The following UBE4B variants were observed in gnomAD, a reference collection of about 807,000 sequenced individuals.
UBE4B encodes ubiquitin conjugation factor E4 B.
Under a neutral mutation model 148.1 loss-of-function variants are expected in UBE4B, and 27 were observed. That is an observed-to-expected ratio of 0.18 (90% CI 0.13 to 0.25). The LOEUF (loss-of-function observed/expected upper bound fraction) is 0.25. UBE4B is among the 10% of genes least tolerant of loss of function. The pLI is 1.00. For missense variants in UBE4B, 1,170 were observed against 1,662.4 expected (o/e 0.70, Z 5.15); for synonymous variants, 596 against 619.3 (o/e 0.96, Z 0.56).
chr1:10,180,196 G>C lies in UBE4B; in HGVS notation c.*240G>C. The C allele has an allele frequency of 1.8e-6, 1 of 557,680 alleles. No homozygotes were observed. The highest frequency in any genetic ancestry group is 2.3e-5 in the South Asian group (1 of 42,802). 34.5% of individuals were successfully genotyped at this position (557,680 alleles called of 1,614,324 possible). ...CAAAAGCTTAAGGGACAGGTTTTATGGTTGCTTGTGTAATAAAGCATGTCC... is the reference window on the plus strand; with the variant it reads ...CAAAAGCTTAAGGGACAGGTTTTATCGTTGCTTGTGTAATAAAGCATGTCC... On this transcript the variant is annotated 3_prime_UTR_variant, in exon 28 of 28. Transcript: ENST00000343090.
At chr1:10,167,259 GA>G (rs761340424) in intron 23 of UBE4B, among the ~76,000 whole-genome samples, 1 of 151,596 alleles carries the variant, frequency 6.6e-6, no homozygotes, top group Non-Finnish European at 1.5e-5. Context: ...GACCAACATG[GA>G]GAAACCCCGT....
chr1:10,111,711 C>T (rs1272979728), intron 7 of UBE4B, among the ~76,000 whole-genome samples: 1 of 152,158 alleles, frequency 6.6e-6, no homozygotes, highest in East Asian at 1.9e-4. Flanking sequence ...AATCCCAGCA[C>T]TTTGAGAGGC....
chr1:10,038,141 G>A (rs1181723191), intron 1 of UBE4B, among the ~76,000 whole-genome samples: 2 of 151,976 alleles, frequency 1.3e-5, no homozygotes, highest in African/African-American at 2.4e-5. Context: ...TTAGCTGGGC[G>A]TGGTGGCACA....
chr1:10,178,565 T>A, intron 25 of UBE4B, 79 bp from the exon 26 acceptor site: 1 of 1,425,056 alleles, frequency 7.0e-7, no homozygotes, highest in South Asian at 1.5e-5. Flanking sequence ...AAATGGATAA[T>A]ACTTTGGATA....
chr1:10,111,022 CTCTCTGTCTT>C (rs1467032471), intron 7 of UBE4B, among the ~76,000 whole-genome samples: 4 of 148,934 alleles, frequency 2.7e-5, no homozygotes, highest in South Asian at 2.1e-4. Flanking sequence ...CTCTCTGTCT[CTCTCTGTCTT>C]TCTCTGTCTC....
chr1:10,117,719 T>C (rs1426763269), intron 8 of UBE4B, 119 bp downstream of exon 8: 1 of 1,271,768 alleles, frequency 7.9e-7, no homozygotes, highest in Admixed American at 3.2e-5. Context: ...GCATTTGCCA[T>C]GTGCCAGGCA....
chr1:10,126,755 C>A (rs763856003), intron 10 of UBE4B, 39 bp from the exon 11 acceptor site: 6 of 1,545,996 alleles, frequency 3.9e-6, no homozygotes, highest in Non-Finnish European at 4.5e-6. Context: ...CTTAGATTCT[C>A]TTAAACTTAT....
At chr1:10,152,739 A>T (rs1357791349) in intron 21 of UBE4B, among the ~76,000 whole-genome samples, 1 of 152,036 alleles carries the variant, frequency 6.6e-6, no homozygotes, top group African/African-American at 2.4e-5. Context: ...CAGAGGTTGC[A>T]TTGAACTGAG....
At chr1:10,171,652 C>A (rs1409725529) in intron 25 of UBE4B, among the ~76,000 whole-genome samples, 2 of 152,144 alleles carry the variant, frequency 1.3e-5, no homozygotes, top group Non-Finnish European at 1.5e-5. Context: ...GAGGTCGAGG[C>A]GGGCAGATCA....
rs77316933 is a variant in UBE4B, at chr1:10,074,986, C to T, written c.211+2772C>T. Among the ~76,000 whole-genome samples, 706 of 152,290 alleles carry T rather than the reference C, an allele frequency of 4.6e-3. 3 individuals are homozygous for T. Among genetic ancestry groups the T allele is most frequent in the Middle Eastern group, 0.01 (3 of 294 alleles). Reference sequence around the variant, plus strand: ...TAACAGGCATGTCACAGCTAGCATGCCCCAAATCAAGCTTTGCTGTTGCCT... The same window carrying T: ...TAACAGGCATGTCACAGCTAGCATGTCCCAAATCAAGCTTTGCTGTTGCCT... On this transcript the variant is annotated intron_variant, in intron 2 of 27. Transcript: ENST00000343090.
At chr1:10,039,287 G>A (rs1024505873) in intron 1 of UBE4B, among the ~76,000 whole-genome samples, 11 of 152,156 alleles carry the variant, frequency 7.2e-5, no homozygotes, top group African/African-American at 2.2e-4. Context: ...CTGAGTAGCA[G>A]TTGCCCTGGG....
chr1:10,152,804 GA>G (rs780983694), intron 21 of UBE4B, among the ~76,000 whole-genome samples: 87 of 141,082 alleles, frequency 6.2e-4, no homozygotes, highest in African/African-American at 1.1e-3. Context: ...TCTCAAAAAA[GA>G]AAAAAAAAAA....
At chr1:10,074,154 G>A (rs573763041) in intron 2 of UBE4B, among the ~76,000 whole-genome samples, 3 of 151,960 alleles carry the variant, frequency 2.0e-5, no homozygotes, top group African/African-American at 7.2e-5. Flanking sequence ...CCTAGGCAGG[G>A]AACCTCCATC....
rs182692617 is a variant in UBE4B at position 10,060,488 on chromosome 1, G to A, written c.25-11540G>A. On this transcript the variant is annotated intron_variant, in intron 1 of 27. Transcript: ENST00000343090. ...GTGATCTGACATTGACTGAAATGTCGTTATGCAGCCCATGACTGTATTTCC... is the reference window on the plus strand; with the variant it reads ...GTGATCTGACATTGACTGAAATGTCATTATGCAGCCCATGACTGTATTTCC... Among the ~76,000 whole-genome samples, 8 of 152,270 alleles carry A rather than the reference G, an allele frequency of 5.3e-5. No individual in the cohort carries two copies. The South Asian group carries it at 6.2e-4, about 12-fold the overall frequency.
In UBE4B at chr1:10,129,385, T is replaced by C; in HGVS notation, c.1639-7T>C. The C allele has an allele frequency of 6.2e-7, 1 of 1,609,738 alleles. No homozygotes were observed. Among genetic ancestry groups the C allele is most frequent in the Non-Finnish European group, 8.5e-7 (1 of 1,176,364 alleles). On this transcript the variant is annotated splice_polypyrimidine_tract_variant and splice_region_variant and intron_variant, in intron 11 of 27. Transcript: ENST00000343090. ...ATGCATTTAAATGACTCTGATCTTA[T>C]TTCTAGGCACTAGGTGAGCTCTGTG...
rs1645105264 is a variant in UBE4B at position 10,106,231 on chromosome 1, T to G, written c.844T>G (p.Phe282Val). Residue 282 changes from phenylalanine (F) to valine (V), a missense_variant, in exon 7 of 28, where the codon TTC becomes GTC. Transcript: ENST00000343090. The surrounding 1 kb of genome is among the most constrained non-coding windows in gnomAD (Gnocchi z 4.2). ...YESSPAPTPS[F>V]WSSVPVMGPS... ...AAGTAGTCCGGCTCCCACTCCCAGT[T>G]TCTGGAGCTCTGTTCCCGTGATGGG... 6.2e-7 allele frequency: 1 copy of G among 1,610,200 alleles called. No homozygotes were observed. Among genetic ancestry groups the G allele is most frequent in the African/African-American group, 1.3e-5 (1 of 74,944 alleles).
At position 10,106,351 on chromosome 1, in the gene UBE4B, G is replaced by C; in HGVS notation, c.964G>C (p.Gly322Arg). ...CAGTGCAGCCTCTGGAACTGCTGCG[G>C]GAAGCCAGCCTTCATCCCCGCGGTA... ...PHSAASGTAA[G>R]SQPSSPRYRP... The change falls in exon 7 of 28, where the codon GGA becomes CGA. Residue 322 changes from glycine (G) to arginine (R), a missense_variant. Gly to Arg is a moderately radical substitution (Grantham distance 125). Transcript: ENST00000343090. The surrounding 1 kb of genome is among the most constrained non-coding windows in gnomAD (Gnocchi z 4.2). The C allele has an allele frequency of 6.2e-7, 1 of 1,613,882 alleles. No homozygotes were observed. The highest frequency in any genetic ancestry group is 8.5e-7 in the Non-Finnish European group (1 of 1,179,836).
intron 3 of UBE4B, among the ~76,000 whole-genome samples, chr1:10,097,098 A>G (rs919656682): frequency 3.3e-5 from 5 of 151,808 alleles, no homozygotes; most frequent in Non-Finnish European, 5.9e-5. Context: ...AGAAATGAAA[A>G]GGTAATTTAC....
intron 1 of UBE4B, among the ~76,000 whole-genome samples, chr1:10,036,795 C>T (rs2101762796): frequency 6.6e-6 from 1 of 152,156 alleles, no homozygotes; most frequent in South Asian, 2.1e-4. Flanking sequence ...AAATAATACA[C>T]TTATATTATT....
Sources: allele counts gnomAD v4.1 joint callset (sites outside exome capture counted in the v4.1 genomes callset), GRCh38; gene constraint gnomAD v4.1.1; non-coding constraint Gnocchi (gnomAD v3.1); transcripts MANE v1.5; gene names NCBI Gene and HGNC (gene_info 2026-07-23, HGNC 2026-07-21).